The following CRB1 variants were observed in gnomAD, a reference collection of about 807,000 sequenced individuals.
The protein encoded by CRB1 is protein crumbs homolog 1.
CRB1 carries 83 observed loss-of-function variants against 120.0 expected under a neutral mutation model. That is an observed-to-expected ratio of 0.69 (90% CI 0.58 to 0.83). CRB1 has a LOEUF of 0.83. Ranked by LOEUF, CRB1 falls within the 40% of genes least tolerant of loss-of-function variation. The pLI is 0.00. For missense variants in CRB1, 1,699 were observed against 1,687.6 expected (o/e 1.01, Z -0.12); for synonymous variants, 625 against 612.5 (o/e 1.02, Z -0.30).
chr1:197,422,830 A>G (rs1664403657), intron 6 of CRB1: 1 of 152,202 alleles, frequency 6.6e-6, no homozygotes, highest in Non-Finnish European at 1.5e-5. Flanking sequence ...TTGAAGTAGG[A>G]CAACATCTGG....
chr1:197,366,683 A>G (rs576780585), intron 5 of CRB1, among the ~76,000 whole-genome samples: 1 of 152,332 alleles, frequency 6.6e-6, no homozygotes, highest in South Asian at 2.1e-4. Context: ...GGAGGCAGAG[A>G]ATCCTAGTGA....
At chr1:197,442,632 T>C (rs539303063) in intron 11 of CRB1, 1 of 1,011,918 alleles carries the variant, frequency 9.9e-7, no homozygotes, top group South Asian at 1.9e-5. Flanking sequence ...GTGTTCTTAA[T>C]ATAACTAGAA....
At chr1:197,319,384 T>C (rs1380995161) in intron 1 of CRB1, among the ~76,000 whole-genome samples, 3 of 116,874 alleles carry the variant, frequency 2.6e-5, no homozygotes, top group Non-Finnish European at 4.8e-5. Flanking sequence ...GCTGAGATCA[T>C]GCCACTACAC....
intron 6 of CRB1, among the ~76,000 whole-genome samples, chr1:197,426,416 A>G (rs922824235): frequency 2.0e-5 from 3 of 152,044 alleles, no homozygotes; most frequent in Admixed American, 6.6e-5. Context: ...GACATTTTAT[A>G]CTAAAGGATT....
At position 197,435,067 on chromosome 1, in the gene CRB1, T is replaced by C. The variant is rs1396869144; in HGVS notation, c.3204T>C (p.Thr1068=). The change falls in exon 9 of 12, where the codon ACT becomes ACC. Residue 1068 remains threonine, a synonymous_variant. Coordinates refer to ENST00000367400, the MANE Select transcript of CRB1 (RefSeq NM_201253.3). ...CTTTTGTGACCAGCACAATTGCTAC[T>C]GGAAGCCTCAACTTTTTGAAGGATA... ...ETPFVTSTIA[T]GSLNFLKDNT... The C allele has an allele frequency of 1.2e-6, 2 of 1,613,978 alleles. No homozygotes were observed. The highest frequency in any genetic ancestry group is 2.2e-5 in the South Asian group (2 of 91,084).
intron 4 of CRB1, among the ~76,000 whole-genome samples, chr1:197,353,833 A>C (rs913140032): frequency 4.0e-5 from 6 of 150,994 alleles, no homozygotes; most frequent in Non-Finnish European, 8.9e-5. Context: ...AAAAAAAAAA[A>C]AAAACTTTAT....
At chr1:197,354,473 G>GAACC (rs1660314913) in intron 4 of CRB1, among the ~76,000 whole-genome samples, 2 of 152,128 alleles carry the variant, frequency 1.3e-5, no homozygotes, top group Non-Finnish European at 2.9e-5. Flanking sequence ...GACGTGTTCA[G>GAACC]AGTTTCTTCT....
chr1:197,434,698 C>T lies in CRB1; in HGVS notation c.2843-8C>T. The T allele has an allele frequency of 6.2e-7, 1 of 1,609,060 alleles. No individual in the cohort carries two copies. Among genetic ancestry groups the T allele is most frequent in the Non-Finnish European group, 8.5e-7 (1 of 1,175,838 alleles). ...AAGTTATTGATTATTATCACCTTCT[C>T]TCATTAGGTATTGCAAATGCTGTTT... On this transcript the variant is annotated splice_polypyrimidine_tract_variant and splice_region_variant and intron_variant, in intron 8 of 11. Coordinates refer to ENST00000367400, the MANE Select transcript of CRB1 (RefSeq NM_201253.3).
chr1:197,357,641 G>A (rs1469880805), intron 5 of CRB1: 2 of 157,828 alleles, frequency 1.3e-5, no homozygotes, highest in South Asian at 1.9e-4. Flanking sequence ...CAATTGCATT[G>A]ATATCACTGA....
At chr1:197,267,872 C>T (rs897738614), upstream of CRB1, among the ~76,000 whole-genome samples, 6 of 152,144 alleles carry the variant, frequency 3.9e-5, no homozygotes, top group Non-Finnish European at 7.4e-5. Flanking sequence ...TTTCTTCTGT[C>T]TTGGCCCAAC....
chr1:197,391,956 TG>T (rs1038084483), intron 5 of CRB1, among the ~76,000 whole-genome samples: 2 of 151,924 alleles, frequency 1.3e-5, no homozygotes, highest in African/African-American at 4.8e-5. Context: ...AGCTGAAACT[TG>T]GGGGGCCCAG....
chr1:197,304,600 A>G (rs1244168749), intron 1 of CRB1, among the ~76,000 whole-genome samples: 1 of 152,216 alleles, frequency 6.6e-6, no homozygotes, highest in East Asian at 1.9e-4. Flanking sequence ...GGCTAAAACT[A>G]CATTTCTCAC....
chr1:197,238,308 C>T, the CRB1 span, among the ~76,000 whole-genome samples: 1 of 151,964 alleles, frequency 6.6e-6, no homozygotes, highest in South Asian at 2.1e-4. Context: ...CCCAATTTCC[C>T]AACAGATGTC....
At chr1:197,451,763 G>A (rs913505341) in intron 11 of CRB1, among the ~76,000 whole-genome samples, 3 of 152,160 alleles carry the variant, frequency 2.0e-5, no homozygotes, top group Non-Finnish European at 4.4e-5. Context: ...GGGAAAGTTT[G>A]TTTAAATTGC....
At chr1:197,227,799 G>A in the CRB1 span, among the ~76,000 whole-genome samples, 47 of 152,284 alleles carry the variant, frequency 3.1e-4, no homozygotes, top group Non-Finnish European at 6.6e-4. Context: ...CCCTACCAGA[G>A]GTTTCCATGA....
chr1:197,264,296 G>C (rs1488382681), upstream of CRB1, among the ~76,000 whole-genome samples: 2 of 152,164 alleles, frequency 1.3e-5, no homozygotes, highest in Admixed American at 1.3e-4. Context: ...TTGCTGTAAA[G>C]ACATGATTTC....
At chr1:197,264,504 T>G (rs1430314701), upstream of CRB1, among the ~76,000 whole-genome samples, 1 of 152,196 alleles carries the variant, frequency 6.6e-6, no homozygotes, top group African/African-American at 2.4e-5. Flanking sequence ...ATGGGATTAC[T>G]GGATCAAATG....
At chr1:197,286,995 CAAAG>C (rs2125230026) in intron 1 of CRB1, among the ~76,000 whole-genome samples, 1 of 151,890 alleles carries the variant, frequency 6.6e-6, no homozygotes, top group Non-Finnish European at 1.5e-5. Context: ...CAGAAGTTCT[CAAAG>C]TAAAGTTAGG....
chr1:197,407,751 T>A (rs1371054992), intron 5 of CRB1, among the ~76,000 whole-genome samples: 1 of 152,182 alleles, frequency 6.6e-6, no homozygotes, highest in African/African-American at 2.4e-5. Flanking sequence ...TTATATTTTA[T>A]AGAGTCAATA....
Sources: allele counts gnomAD v4.1 joint callset (sites outside exome capture counted in the v4.1 genomes callset), GRCh38; gene constraint gnomAD v4.1.1; transcripts MANE v1.5; gene names NCBI Gene and HGNC (gene_info 2026-07-23, HGNC 2026-07-21).